Variants in TBC1D14 observed in about 807,000 individuals in gnomAD.
The protein encoded by TBC1D14 is TBC1 domain family member 14, also known as TBC1 domain family, member 14.
A neutral mutation model predicts 79.0 loss-of-function variants in TBC1D14; 26 were observed. The observed-to-expected ratio is 0.33, with a 90% CI of 0.24 to 0.46. The LOEUF is 0.46. Ranked by LOEUF, TBC1D14 falls within the 20% of genes least tolerant of loss-of-function variation. TBC1D14 has a pLI of 1.00. For synonymous variants in TBC1D14, 394 were observed against 349.9 expected (o/e 1.13, Z -1.40); for missense variants, 769 against 887.6 (o/e 0.87, Z 1.70).
intron 3 of TBC1D14, among the ~76,000 whole-genome samples, chr4:6,971,660 G>A (rs1336410099): frequency 2.0e-5 from 3 of 152,116 alleles, no homozygotes; most frequent in African/African-American, 7.2e-5. Context: ...GTCCAGTTGC[G>A]GTCCCCGGAG....
chr4:6,973,849 A>G (rs1443986034), intron 3 of TBC1D14, among the ~76,000 whole-genome samples: 1 of 152,038 alleles, frequency 6.6e-6, no homozygotes, highest in African/African-American at 2.4e-5. Context: ...TTTGAGACAG[A>G]GTCTCACTCT....
intron 1 of TBC1D14, among the ~76,000 whole-genome samples, chr4:6,919,232 C>T (rs1723642215): frequency 6.6e-6 from 1 of 151,932 alleles, no homozygotes; most frequent in Admixed American, 6.6e-5. Context: ...CTGCAACCTC[C>T]ACCTCCCGGG....
At chr4:6,912,435 C>T (rs1050051227) in intron 1 of TBC1D14, among the ~76,000 whole-genome samples, 1 of 151,192 alleles carries the variant, frequency 6.6e-6, no homozygotes, top group Admixed American at 6.6e-5. Context: ...TTTCTTGGGC[C>T]CGGGTGGTTT....
At chr4:6,980,680 T>A (rs1482361618) in intron 3 of TBC1D14, among the ~76,000 whole-genome samples, 1 of 149,516 alleles carries the variant, frequency 6.7e-6, no homozygotes, top group East Asian at 1.9e-4. Flanking sequence ...CACTACAGAC[T>A]CCACAAAAAT....
chr4:7,031,364 A>T lies in TBC1D14; in HGVS notation c.*972A>T, dbSNP rs940282379. On this transcript the variant is annotated 3_prime_UTR_variant, in exon 14 of 14. Coordinates refer to ENST00000409757, the MANE Select transcript of TBC1D14 (RefSeq NM_020773.3). ...CACAGCTGGACCCATCCTAAGTGCC[A>T]GTGAGTCCCTCACACATTTGACTTT... 1 of 152,226 alleles carries T rather than the reference A, an allele frequency of 6.6e-6. No individual in the cohort carries two copies. The highest frequency in any genetic ancestry group is 2.4e-5 in the African/African-American group (1 of 41,418). 9.4% of individuals were successfully genotyped at this position (152,226 alleles called of 1,614,324 possible).
intron 4 of TBC1D14, chr4:6,995,671 C>G (rs1325061006): frequency 6.6e-6 from 1 of 151,808 alleles, no homozygotes; most frequent in African/African-American, 2.4e-5. Flanking sequence ...TGCCACCATG[C>G]CCGGCTACTT....
chr4:7,019,140 G>A (rs1241809964), intron 12 of TBC1D14, among the ~76,000 whole-genome samples: 1 of 152,052 alleles, frequency 6.6e-6, no homozygotes, highest in Non-Finnish European at 1.5e-5. Context: ...TCCTGCTTCA[G>A]CCTCCTGAGT....
chr4:6,912,315 G>C (rs567046522), intron 1 of TBC1D14, among the ~76,000 whole-genome samples: 1 of 148,554 alleles, frequency 6.7e-6, no homozygotes, highest in Admixed American at 6.7e-5. Flanking sequence ...GGGAGGTGGA[G>C]GTTGCAGTGA....
intron 2 of TBC1D14, among the ~76,000 whole-genome samples, chr4:6,936,153 A>G (rs911828336): frequency 6.6e-6 from 1 of 152,196 alleles, no homozygotes; most frequent in Non-Finnish European, 1.5e-5. Flanking sequence ...ACTGGCTGAC[A>G]CATCATTATC....
In TBC1D14 at chr4:6,993,150, A is replaced by C. The variant is rs115084688; in HGVS notation, c.844-1034A>C. On this transcript the variant is annotated intron_variant, in intron 3 of 13. Coordinates refer to ENST00000409757, the MANE Select transcript of TBC1D14 (RefSeq NM_020773.3). ...TCTCACCACCTCATGACAAACATGA[A>C]ATCTTAGGTTAACACTACCTTCTTT... Among the ~76,000 whole-genome samples, 1,092 of 152,358 alleles carry C rather than the reference A, an allele frequency of 7.2e-3. 15 individuals carry two copies. Among genetic ancestry groups the C allele is most frequent in the African/African-American group, 0.025 (1,040 of 41,580 alleles).
At chr4:6,946,875 T>C (rs1304232722) in intron 2 of TBC1D14, among the ~76,000 whole-genome samples, 1 of 152,214 alleles carries the variant, frequency 6.6e-6, no homozygotes, top group African/African-American at 2.4e-5. Context: ...CATAGTAATG[T>C]CATTCCTTCC....
intron 3 of TBC1D14, among the ~76,000 whole-genome samples, chr4:6,981,180 A>G (rs1717346936): frequency 1.3e-5 from 2 of 151,854 alleles, no homozygotes; most frequent in South Asian, 4.2e-4. Flanking sequence ...ATGTACCACC[A>G]CGCCCAGCTA....
At chr4:6,978,738 TA>T (rs59534721) in intron 3 of TBC1D14, among the ~76,000 whole-genome samples, 3,155 of 108,396 alleles carry the variant, frequency 0.029, 51 homozygotes, top group African/African-American at 0.051. Flanking sequence ...AATGATCAAT[TA>T]AAAAAAAAAA....
At chr4:6,911,905 A>C (rs1723025710) in intron 1 of TBC1D14, among the ~76,000 whole-genome samples, 1 of 152,204 alleles carries the variant, frequency 6.6e-6, no homozygotes, top group Non-Finnish European at 1.5e-5. Flanking sequence ...ACATTAATAC[A>C]TAACGCAACA....
At chr4:6,979,600 C>T (rs1717174906) in intron 3 of TBC1D14, among the ~76,000 whole-genome samples, 1 of 152,068 alleles carries the variant, frequency 6.6e-6, no homozygotes, top group Non-Finnish European at 1.5e-5. Flanking sequence ...GCCTGAGTGA[C>T]AGAGTGAGAC....
chr4:6,933,871 G>A (rs1712029685), intron 2 of TBC1D14, among the ~76,000 whole-genome samples: 2 of 152,190 alleles, frequency 1.3e-5, no homozygotes, highest in South Asian at 4.1e-4. Flanking sequence ...CAAGAGTCCA[G>A]ACAAGAGGTG....
At chr4:6,938,502 C>G (rs1218631704) in intron 2 of TBC1D14, among the ~76,000 whole-genome samples, 1 of 152,200 alleles carries the variant, frequency 6.6e-6, no homozygotes, top group Non-Finnish European at 1.5e-5. Context: ...TCACTCCCAG[C>G]TGGCTGCCCA....
intron 3 of TBC1D14, among the ~76,000 whole-genome samples, chr4:6,975,380 G>A (rs1212858920): frequency 4.0e-5 from 6 of 151,498 alleles, no homozygotes; most frequent in Non-Finnish European, 5.9e-5. Context: ...GGCTAATTTT[G>A]TATATTTTTT....
intron 2 of TBC1D14, among the ~76,000 whole-genome samples, chr4:6,963,305 A>C (rs1202357954): frequency 1.3e-5 from 2 of 152,212 alleles, no homozygotes; most frequent in Non-Finnish European, 2.9e-5. Context: ...TCAGCATCTG[A>C]AGGTCAAAGG....
Sources: gnomAD v4.1 joint callset for allele counts (sites outside exome capture counted in the v4.1 genomes callset) on GRCh38, gnomAD v4.1.1 for gene constraint, MANE v1.5 for transcripts, NCBI Gene and HGNC (gene_info 2026-07-23, HGNC 2026-07-21) for gene names.